The following CD109 variants were observed in gnomAD, a reference collection of about 807,000 sequenced individuals.
The protein encoded by CD109 is CD109 antigen.
Under a neutral mutation model 165.8 loss-of-function variants are expected in CD109, and 149 were observed. That is an observed-to-expected ratio of 0.90 (90% CI 0.79 to 1.03). The LOEUF (loss-of-function observed/expected upper bound fraction) is 1.03, where lower values mean the gene tolerates loss of function less well. Among genes scored for constraint, CD109 ranks in the 50% least tolerant of loss-of-function variants. CD109 has a pLI of 0.00. For synonymous variants in CD109, 585 were observed against 592.1 expected, an observed-to-expected ratio of 0.99 and a Z score of 0.18; for missense variants, 1,712 against 1,677.8, an observed-to-expected ratio of 1.02 and a Z score of -0.36.
intron 5 of CD109, among the ~76,000 whole-genome samples, chr6:73,751,115 G>A (rs769685910): frequency 1.3e-5 from 2 of 152,132 alleles, no homozygotes; most frequent in Non-Finnish European, 2.9e-5. Flanking sequence ...GAAGTGAGGG[G>A]TAACAAAATT....
Position 73,785,365 on chromosome 6 carries a change from T to G in CD109, c.2225T>G (p.Leu742Arg). Reference sequence around the variant, plus strand: ...ATGTACTCGTTGTGTTCTTTCCAGCTCCAAGCCTTCCAACCATTTTTCATT... The same window carrying G: ...ATGTACTCGTTGTGTTCTTTCCAGCGCCAAGCCTTCCAACCATTTTTCATT... ...GLGLTTTPVE[L>R]QAFQPFFIFL... The change falls in exon 20 of 33, where the codon CTC becomes CGC. Residue 742 changes from leucine (L) to arginine (R), a missense_variant and splice_region_variant. Physicochemically the swap from Leu to Arg is moderately radical, Grantham distance 102 (BLOSUM62 -2). Transcript: ENST00000287097. The G allele has an allele frequency of 6.4e-7, 1 of 1,564,976 alleles. No individual in the cohort carries two copies. Among genetic ancestry groups the G allele is most frequent in the Non-Finnish European group, 8.8e-7 (1 of 1,138,990 alleles).
chr6:73,798,907 C>G lies in CD109; in HGVS notation c.2879-4313C>G, dbSNP rs926039291. Among the ~76,000 whole-genome samples the G allele has an allele frequency of 5.3e-5, 8 of 152,156 alleles. No individual in the cohort carries two copies. The East Asian group carries it at 1.2e-3, about 22-fold the overall frequency. On this transcript the variant is annotated intron_variant, in intron 23 of 32. Coordinates refer to ENST00000287097, the MANE Select transcript of CD109 (RefSeq NM_133493.5). ...CTCCTTGAGGTTGGTCTTTCTGTCA[C>G]AAAAGTACCTCAAACTTTTGTGTAG... is the stretch of plus-strand genomic sequence containing the variant.
the CD109 span, among the ~76,000 whole-genome samples, chr6:73,689,984 CAACTA>C: frequency 9.9e-5 from 15 of 152,168 alleles, no homozygotes; most frequent in Admixed American, 9.2e-4. Context: ...TACATCAACA[CAACTA>C]ATTATTTTTC....
the CD109 span, among the ~76,000 whole-genome samples, chr6:73,687,457 TCCCTA>T: frequency 6.9e-6 from 1 of 144,982 alleles, no homozygotes; most frequent in African/African-American, 2.6e-5. Flanking sequence ...CCCCTCCCCT[TCCCTA>T]CCCTCCCCTC....
At chr6:73,746,496 C>T (rs950060442) in intron 5 of CD109, among the ~76,000 whole-genome samples, 3 of 152,128 alleles carry the variant, frequency 2.0e-5, no homozygotes, top group East Asian at 1.9e-4. Context: ...CTTTAAAAAC[C>T]ATAGTTCCTT....
At chr6:73,789,875 C>A (rs1774857268) in intron 22 of CD109, among the ~76,000 whole-genome samples, 1 of 151,480 alleles carries the variant, frequency 6.6e-6, no homozygotes, top group African/African-American at 2.4e-5. Flanking sequence ...GAGTCTCCTG[C>A]CTCAGCCTCC....
At chr6:73,751,223 G>T (rs1236722990) in intron 5 of CD109, among the ~76,000 whole-genome samples, 1 of 152,174 alleles carries the variant, frequency 6.6e-6, no homozygotes, top group Non-Finnish European at 1.5e-5. Flanking sequence ...GTTGTCATCT[G>T]CATGAGACCT....
At chr6:73,717,219 C>CTT (rs34220499) in intron 2 of CD109, among the ~76,000 whole-genome samples, 21 of 145,724 alleles carry the variant, frequency 1.4e-4, no homozygotes, top group South Asian at 2.2e-4. Context: ...GTGATTCCTC[C>CTT]TTTTTTTTTT....
the CD109 span, among the ~76,000 whole-genome samples, chr6:73,681,234 T>G: frequency 6.6e-6 from 1 of 152,126 alleles, no homozygotes; most frequent in Non-Finnish European, 1.5e-5. Context: ...GTATACAATG[T>G]GATATATGTG....
intron 5 of CD109, among the ~76,000 whole-genome samples, chr6:73,743,315 G>A (rs1233194315): frequency 6.6e-6 from 1 of 152,106 alleles, no homozygotes; most frequent in Admixed American, 6.5e-5. Flanking sequence ...GTTAGAGGTG[G>A]GGAACAAGAA....
intron 2 of CD109, among the ~76,000 whole-genome samples, chr6:73,701,111 T>A: frequency 7.6e-6 from 1 of 131,306 alleles, no homozygotes; most frequent in African/African-American, 2.9e-5. Flanking sequence ...ATTATGGGCT[T>A]TTTTTTTTTT....
At chr6:73,778,651 C>T (rs777605423) in intron 15 of CD109, among the ~76,000 whole-genome samples, 3 of 152,176 alleles carry the variant, frequency 2.0e-5, no homozygotes, top group Non-Finnish European at 4.4e-5. Flanking sequence ...CTTCTTGACA[C>T]ATTATGAATT....
chr6:73,751,481 G>C (rs1268538928), intron 5 of CD109, among the ~76,000 whole-genome samples: 1 of 152,020 alleles, frequency 6.6e-6, no homozygotes, highest in Non-Finnish European at 1.5e-5. Flanking sequence ...GATCAGGATA[G>C]AAAACAGTTC....
At chr6:73,717,044 T>G (rs1359072679) in intron 2 of CD109, among the ~76,000 whole-genome samples, 1 of 152,198 alleles carries the variant, frequency 6.6e-6, no homozygotes, top group Non-Finnish European at 1.5e-5. Context: ...TATCTTTTCC[T>G]CAATATATGT....
chr6:73,762,449 GA>G lies in CD109; in HGVS notation c.827del (p.Lys276ArgfsTer11). 1 of 1,611,328 alleles carries G rather than the reference GA, an allele frequency of 6.2e-7. No homozygotes were observed. Among genetic ancestry groups the G allele is most frequent in the Non-Finnish European group, 8.5e-7 (1 of 1,177,918 alleles). ...TLTFLPLSFW[G>X]KKKNITKTFK... ...ACATTTTTACCTTTATCCTTTTGGGGAAAGAAGAAAAATATTACAAAAACAT... is the reference window on the plus strand; with the variant it reads ...ACATTTTTACCTTTATCCTTTTGGGGAAGAAGAAAAATATTACAAAAACAT... On this transcript the variant is annotated frameshift_variant, in exon 8 of 33. Coordinates refer to ENST00000287097, the MANE Select transcript of CD109 (RefSeq NM_133493.5). LOFTEE classifies it high-confidence loss of function.
intron 2 of CD109, among the ~76,000 whole-genome samples, chr6:73,717,227 T>C (rs976079562): frequency 3.9e-5 from 6 of 151,974 alleles, no homozygotes; most frequent in African/African-American, 1.5e-4. Context: ...TCCTTTTTTT[T>C]TTTCTTTCTC....
At chr6:73,738,492 T>C (rs1266960215) in intron 5 of CD109, among the ~76,000 whole-genome samples, 1 of 152,162 alleles carries the variant, frequency 6.6e-6, no homozygotes, top group Non-Finnish European at 1.5e-5. Flanking sequence ...AATTTGTTCA[T>C]TGAATGGTGG....
intron 3 of CD109, among the ~76,000 whole-genome samples, chr6:73,729,851 G>T (rs915003773): frequency 4.6e-5 from 7 of 152,036 alleles, no homozygotes; most frequent in African/African-American, 1.4e-4. Flanking sequence ...AGAAGTAGCA[G>T]CATCATCATC....
At position 73,714,109 on chromosome 6, in the gene CD109, G is replaced by A. The variant is rs190958240; in HGVS notation, c.248-9142G>A. ...ATGGAGGGTGCTGGTTTGTTGGGGC[G>A]AAGCTCACTGCAGTTTGTTTCTATT... On this transcript the variant is annotated intron_variant, in intron 2 of 32. Transcript: ENST00000287097. Among the ~76,000 whole-genome samples, 1,494 of 152,328 alleles carry A rather than the reference G, an allele frequency of 9.8e-3. 11 individuals are homozygous for A. The highest frequency in any genetic ancestry group is 0.016 in the South Asian group (75 of 4,824).
Sources: allele counts gnomAD v4.1 joint callset (sites outside exome capture counted in the v4.1 genomes callset), GRCh38; gene constraint gnomAD v4.1.1; transcripts MANE v1.5; gene names NCBI Gene and HGNC (gene_info 2026-07-23, HGNC 2026-07-21).